The following ATRNL1 variants were observed in gnomAD, a reference collection of about 807,000 sequenced individuals.
ATRNL1 encodes the protein attractin like 1, also known as attractin-like protein 1.
Under a neutral mutation model 182.7 loss-of-function variants are expected in ATRNL1, and 95 were observed. The ratio of observed to expected loss-of-function variants is 0.52; its 90% CI spans 0.44 to 0.62. The LOEUF (loss-of-function observed/expected upper bound fraction) is 0.62. Among genes scored for constraint, ATRNL1 ranks in the 20% least tolerant of loss-of-function variants. The probability of loss-of-function intolerance (pLI) is 0.00; values close to 1 mark genes in which losing one functional copy is unlikely to be tolerated. For missense variants in ATRNL1, 1,471 were observed against 1,679.5 expected (o/e 0.88, Z 2.17); for synonymous variants, 576 against 568.3 (o/e 1.01, Z -0.19).
At chr10:115,501,716 G>A (rs1849848215) in intron 24 of ATRNL1, among the ~76,000 whole-genome samples, 1 of 152,110 alleles carries the variant, frequency 6.6e-6, no homozygotes, top group South Asian at 2.1e-4. Context: ...TAGCTTTAAA[G>A]AAAAGTTTTC....
chr10:115,816,544 A>C (rs79472224), intron 27 of ATRNL1, among the ~76,000 whole-genome samples: 9,425 of 152,104 alleles, frequency 0.062, 910 homozygotes, highest in African/African-American at 0.2. Context: ...GGACAGACAC[A>C]TACATATATT....
intron 26 of ATRNL1, among the ~76,000 whole-genome samples, chr10:115,581,616 T>G (rs1296138924): frequency 6.6e-6 from 1 of 152,120 alleles, no homozygotes; most frequent in Non-Finnish European, 1.5e-5. Flanking sequence ...TTTCAAACTA[T>G]TGTAAAAAGA....
chr10:115,425,745 T>C (rs549324792), intron 20 of ATRNL1, among the ~76,000 whole-genome samples: 1 of 152,174 alleles, frequency 6.6e-6, no homozygotes, highest in East Asian at 1.9e-4. Context: ...CCGGAGGAGA[T>C]CTGTTTTTAA....
intron 26 of ATRNL1, among the ~76,000 whole-genome samples, chr10:115,597,354 T>C (rs536420761): frequency 2.4e-4 from 37 of 152,218 alleles, no homozygotes; most frequent in Non-Finnish European, 4.1e-4. Flanking sequence ...ATGAAGTAAA[T>C]GTAATATACA....
intron 26 of ATRNL1, among the ~76,000 whole-genome samples, chr10:115,671,908 TAAGG>T: frequency 6.6e-6 from 1 of 152,176 alleles, no homozygotes. Context: ...AGACTGCCCA[TAAGG>T]TGAGAGAAAC....
At chr10:115,683,555 T>TGG (rs1224482382) in intron 26 of ATRNL1, among the ~76,000 whole-genome samples, 1 of 140,802 alleles carries the variant, frequency 7.1e-6, no homozygotes, top group African/African-American at 3.0e-5. Context: ...AGCGTTTTTT[T>TGG]TTTTTTTTTG....
Position 115,727,282 on chromosome 10 carries a change from G to A in ATRNL1, c.3830G>A (p.Arg1277His), listed in dbSNP as rs370291248. The A allele has an allele frequency of 3.1e-6, 5 of 1,614,046 alleles. No individual in the cohort carries two copies. Among genetic ancestry groups the A allele is most frequent in the Admixed American group, 3.3e-5 (2 of 60,010 alleles). Residue 1277 changes from arginine to histidine, a missense_variant, in exon 27 of 29, where the codon CGT (arginine) becomes CAT (histidine). This residue lies in a region of ATRNL1 where 437 missense variants were observed against 506.0 expected (regional missense o/e 0.86). Coordinates refer to ENST00000355044, the MANE Select transcript of ATRNL1 (RefSeq NM_207303.4). Reference protein sequence around the residue: ...LLRERQQMASRPFASVDVALE... With the variant: ...LLRERQQMASHPFASVDVALE... ...CGAGAACGACAGCAGATGGCCAGCCGTCCCTTTGCTTCTGTTGATGTAGCT... is the reference window on the plus strand; with the variant it reads ...CGAGAACGACAGCAGATGGCCAGCCATCCCTTTGCTTCTGTTGATGTAGCT...
chr10:115,205,930 C>T (rs1848777804), intron 8 of ATRNL1, among the ~76,000 whole-genome samples: 2 of 152,002 alleles, frequency 1.3e-5, no homozygotes, highest in East Asian at 3.9e-4. Context: ...TTGTTATTTC[C>T]TCATTCCAAG....
At chr10:115,397,680 G>A (rs1554955965) in intron 20 of ATRNL1, among the ~76,000 whole-genome samples, 2 of 151,774 alleles carry the variant, frequency 1.3e-5, no homozygotes, top group Admixed American at 1.3e-4. Flanking sequence ...TCAACTTTCT[G>A]GGAAAAGAAA....
intron 26 of ATRNL1, among the ~76,000 whole-genome samples, chr10:115,622,186 C>A (rs928510469): frequency 6.6e-6 from 1 of 152,154 alleles, no homozygotes; most frequent in Non-Finnish European, 1.5e-5. Context: ...ATTTGCACTT[C>A]CAGGATATGC....
chr10:115,535,007 G>A (rs1296826412), intron 25 of ATRNL1, among the ~76,000 whole-genome samples: 1 of 152,076 alleles, frequency 6.6e-6, no homozygotes, highest in Non-Finnish European at 1.5e-5. Context: ...CCCTTTGAGG[G>A]TAACCCGACC....
At chr10:115,553,214 A>T (rs1239571533) in intron 26 of ATRNL1, among the ~76,000 whole-genome samples, 2 of 151,098 alleles carry the variant, frequency 1.3e-5, no homozygotes, top group African/African-American at 4.8e-5. Flanking sequence ...CAAGAAGTTA[A>T]TTTTTTTCCA....
At chr10:115,595,718 TTTTATA>T (rs1159907602) in intron 26 of ATRNL1, among the ~76,000 whole-genome samples, 18 of 152,324 alleles carry the variant, frequency 1.2e-4, no homozygotes, top group African/African-American at 4.1e-4. Context: ...TTGCTCAGTT[TTTTATA>T]TTTATGACTC....
At chr10:115,580,142 A>G (rs1357779877) in intron 26 of ATRNL1, among the ~76,000 whole-genome samples, 1 of 151,738 alleles carries the variant, frequency 6.6e-6, no homozygotes, top group Non-Finnish European at 1.5e-5. Flanking sequence ...TCTATCTACC[A>G]CTCTTACAGT....
intron 27 of ATRNL1, among the ~76,000 whole-genome samples, chr10:115,757,373 G>A (rs558183434): frequency 3.2e-4 from 49 of 152,252 alleles, no homozygotes; most frequent in Admixed American, 2.7e-3. Context: ...AAATCTCTCA[G>A]CATTTGCTTC....
At chr10:115,380,632 T>C (rs1419977307) in intron 19 of ATRNL1, among the ~76,000 whole-genome samples, 1 of 152,194 alleles carries the variant, frequency 6.6e-6, no homozygotes, top group Admixed American at 6.5e-5. Flanking sequence ...TTATCAAATA[T>C]GTGATCTTTC....
intron 27 of ATRNL1, among the ~76,000 whole-genome samples, chr10:115,828,593 T>G (rs1950491552): frequency 6.6e-6 from 1 of 152,202 alleles, no homozygotes; most frequent in African/African-American, 2.4e-5. Context: ...CCTGTTTTTG[T>G]TGTTGTTTTC....
chr10:115,661,069 CAA>C (rs1860650598), intron 26 of ATRNL1, among the ~76,000 whole-genome samples: 1 of 151,952 alleles, frequency 6.6e-6, no homozygotes, highest in Non-Finnish European at 1.5e-5. Flanking sequence ...CCTAAAAAGG[CAA>C]AGACTATATT....
At chr10:115,326,254 A>G (rs1027551086) in intron 18 of ATRNL1, among the ~76,000 whole-genome samples, 3 of 152,306 alleles carry the variant, frequency 2.0e-5, no homozygotes, top group African/African-American at 4.8e-5. Context: ...TACAAAATCA[A>G]TGTACAAAAA....
Sources: allele counts gnomAD v4.1 joint callset (sites outside exome capture counted in the v4.1 genomes callset), GRCh38; gene constraint gnomAD v4.1.1; regional missense constraint gnomAD v4.1.1; transcripts MANE v1.5; gene names NCBI Gene and HGNC (gene_info 2026-07-23, HGNC 2026-07-21).